The following EFL1 variants were observed in gnomAD, a reference collection of about 807,000 sequenced individuals.
The protein encoded by EFL1 is elongation factor like GTPase 1, also known as elongation factor-like GTPase 1.
EFL1 carries 76 observed loss-of-function variants against 126.7 expected under a neutral mutation model. That is an observed-to-expected ratio of 0.60 (90% confidence interval 0.50 to 0.73). The LOEUF is 0.73. Among genes scored for constraint, EFL1 ranks in the 30% least tolerant of loss-of-function variants. The pLI, the probability that EFL1 is intolerant of heterozygous loss-of-function variation, is 0.00. For synonymous variants in EFL1, 410 were observed against 448.4 expected (o/e 0.91, Z 1.08); for missense variants, 1,128 against 1,343.2 (o/e 0.84, Z 2.50).
chr15:82,192,796 T>C (rs1409824453), intron 15 of EFL1, among the ~76,000 whole-genome samples: 3 of 152,026 alleles, frequency 2.0e-5, no homozygotes, highest in African/African-American at 4.8e-5. Flanking sequence ...TACATATCTG[T>C]TGAACTGCAC....
At chr15:82,138,009 T>G (rs967835083) in intron 19 of EFL1, among the ~76,000 whole-genome samples, 1 of 152,174 alleles carries the variant, frequency 6.6e-6, no homozygotes, top group Non-Finnish European at 1.5e-5. Flanking sequence ...CCTTCTCTCC[T>G]CCCTCAGCAA....
At position 82,225,699 on chromosome 15, in the gene EFL1, A is replaced by T. The variant is rs75917434; in HGVS notation, c.1193-435T>A. On this transcript the variant is annotated intron_variant, in intron 11 of 19. Transcript: ENST00000268206. ...ATCAATAGCTTTCCCAATCCCCCACAATAACAAGTTAGAAAATAAAATGGA... is the reference window on the plus strand; with the variant it reads ...ATCAATAGCTTTCCCAATCCCCCACTATAACAAGTTAGAAAATAAAATGGA... Among the ~76,000 whole-genome samples, 133 of 152,272 alleles carry T rather than the reference A, an allele frequency of 8.7e-4. 2 individuals carry two copies. The East Asian group carries it at 0.021, about 24-fold the overall frequency.
At chr15:82,138,880 C>A in intron 18 of EFL1, 38 bp from the exon 19 acceptor site, 1 of 1,586,416 alleles carries the variant, frequency 6.3e-7, no homozygotes, top group South Asian at 1.1e-5. Context: ...ATGGATCAAT[C>A]ATATGGCTTG....
At chr15:82,239,291 C>T (rs2074906645) in intron 6 of EFL1, among the ~76,000 whole-genome samples, 1 of 152,034 alleles carries the variant, frequency 6.6e-6, no homozygotes, top group African/African-American at 2.4e-5. Context: ...GGCCTGCTAC[C>T]ACGCCCGGCT....
intron 15 of EFL1, among the ~76,000 whole-genome samples, chr15:82,204,336 C>T (rs1377064023): frequency 1.3e-5 from 2 of 152,082 alleles, no homozygotes; most frequent in Non-Finnish European, 2.9e-5. Flanking sequence ...AATCACCTTT[C>T]CCCCAAGCTA....
In EFL1 at chr15:82,218,044, G is replaced by T. The variant is rs545255946; in HGVS notation, c.1611+1608C>A. Among the ~76,000 whole-genome samples the T allele has an allele frequency of 3.2e-4, 49 of 152,266 alleles. 1 individual carries two copies. Among genetic ancestry groups the T allele is most frequent in the South Asian group, 1.0e-3 (5 of 4,828 alleles). On this transcript the variant is annotated intron_variant, in intron 14 of 19. Transcript: ENST00000268206. ...TCAACAACCTTTAGTGAGCTTGGAA[G>T]CAGGTTCTTCATCAGTCAGTCCTCC... is the stretch of plus-strand genomic sequence containing the variant.
At chr15:82,197,377 T>A (rs1182348370) in intron 15 of EFL1, among the ~76,000 whole-genome samples, 1 of 152,200 alleles carries the variant, frequency 6.6e-6, no homozygotes, top group Non-Finnish European at 1.5e-5. Context: ...GAATAACAAC[T>A]TTTACTTCAA....
intron 15 of EFL1, among the ~76,000 whole-genome samples, chr15:82,193,114 T>A (rs2074376038): frequency 6.6e-6 from 1 of 152,224 alleles, no homozygotes; most frequent in South Asian, 2.1e-4. Flanking sequence ...AGAATAGGTA[T>A]TGCTTTTAAA....
chr15:82,141,702 A>C (rs998629856), intron 18 of EFL1, among the ~76,000 whole-genome samples: 22 of 150,438 alleles, frequency 1.5e-4, no homozygotes, highest in African/African-American at 2.2e-4. Flanking sequence ...AAAAAAAAAC[A>C]AAAAAGAAAC....
intron 19 of EFL1, among the ~76,000 whole-genome samples, chr15:82,138,354 A>G (rs912918555): frequency 1.3e-5 from 2 of 152,124 alleles, no homozygotes; most frequent in African/African-American, 4.8e-5. Flanking sequence ...TTTGGATGAA[A>G]AAAGGATTAA....
At chr15:82,152,510 T>A in intron 17 of EFL1, 87 bp from the exon 18 acceptor site, 1 of 1,132,778 alleles carries the variant, frequency 8.8e-7, no homozygotes, top group Non-Finnish European at 1.2e-6. Flanking sequence ...ACAGTGGAGA[T>A]TCTGTAAAAA....
intron 15 of EFL1, among the ~76,000 whole-genome samples, chr15:82,172,194 G>A (rs1259920711): frequency 2.0e-5 from 3 of 152,170 alleles, no homozygotes; most frequent in Non-Finnish European, 2.9e-5. Context: ...TGGCAGTTAT[G>A]TGCAGAAAAA....
At chr15:82,178,862 C>T (rs2074220508) in intron 15 of EFL1, among the ~76,000 whole-genome samples, 2 of 152,146 alleles carry the variant, frequency 1.3e-5, no homozygotes, top group African/African-American at 4.8e-5. Flanking sequence ...AGAAAATGGG[C>T]TTAGCATGGT....
At chr15:82,230,464 T>A (rs1299699844) in intron 8 of EFL1, among the ~76,000 whole-genome samples, 2 of 152,080 alleles carry the variant, frequency 1.3e-5, no homozygotes, top group African/African-American at 4.8e-5. Flanking sequence ...AGGCCTCAGC[T>A]GACACTAGAA....
chr15:82,223,734 A>C (rs1312263436), intron 12 of EFL1, among the ~76,000 whole-genome samples: 1 of 152,212 alleles, frequency 6.6e-6, no homozygotes, highest in Non-Finnish European at 1.5e-5. Context: ...TTGTTACTAC[A>C]TGTAGCACTG....
At chr15:82,211,856 CAT>C in intron 15 of EFL1, among the ~76,000 whole-genome samples, 1 of 152,276 alleles carries the variant, frequency 6.6e-6, no homozygotes, top group Non-Finnish European at 1.5e-5. Context: ...CCCAAATAAT[CAT>C]ATCAAAACAT....
At chr15:82,229,431 G>C (rs190786384) in intron 8 of EFL1, among the ~76,000 whole-genome samples, 7,392 of 152,134 alleles carry the variant, frequency 0.049, 307 homozygotes, top group African/African-American at 0.12. Context: ...GCACATGCGG[G>C]CTCTTTCCAT....
intron 15 of EFL1, among the ~76,000 whole-genome samples, chr15:82,198,518 T>C (rs1374329086): frequency 6.6e-6 from 1 of 152,178 alleles, no homozygotes; most frequent in Admixed American, 6.5e-5. Flanking sequence ...CTATGTCAAA[T>C]GGCCTCTGGA....
At chr15:82,217,564 T>G (rs1595989311) in intron 14 of EFL1, among the ~76,000 whole-genome samples, 1 of 146,898 alleles carries the variant, frequency 6.8e-6, no homozygotes, top group Non-Finnish European at 1.5e-5. Context: ...ATAACTACAA[T>G]GAAATTCCAT....
Sources: gnomAD v4.1 joint callset for allele counts (sites outside exome capture counted in the v4.1 genomes callset) on GRCh38, gnomAD v4.1.1 for gene constraint, MANE v1.5 for transcripts, NCBI Gene and HGNC (gene_info 2026-07-23, HGNC 2026-07-21) for gene names.